Variants in ABCD4 observed in about 807,000 individuals in gnomAD.
ABCD4 encodes lysosomal cobalamin transporter ABCD4.
In ABCD4, 53 loss-of-function variants were observed where a neutral mutation model predicts 86.3. That is an observed-to-expected ratio of 0.61 (90% CI 0.49 to 0.77). The LOEUF (loss-of-function observed/expected upper bound fraction) is 0.77, where lower values mean the gene tolerates loss of function less well. Ranked by LOEUF, ABCD4 falls within the 30% of genes least tolerant of loss-of-function variation. ABCD4 has a pLI of 0.00. For synonymous variants in ABCD4, 328 were observed against 313.6 expected (o/e 1.05, Z -0.49); for missense variants, 757 against 764.5 (o/e 0.99, Z 0.12).
intron 1 of ABCD4, among the ~76,000 whole-genome samples, 157 bp downstream of exon 1, chr14:74,302,718 G>A (rs928318032): frequency 1.3e-5 from 2 of 152,234 alleles, no homozygotes; most frequent in Admixed American, 6.5e-5. Context: ...AGCGGCGGGA[G>A]GGCGGACGCC....
intron 8 of ABCD4, 71 bp from the exon 9 acceptor site, chr14:74,292,940 A>G: frequency 1.2e-6 from 2 of 1,603,928 alleles, no homozygotes; most frequent in South Asian, 1.1e-5. Context: ...ACCCTAAGAC[A>G]GGGAGCAGGA....
Position 74,289,669 on chromosome 14 carries a change from G to A in ABCD4, c.1420-150C>T, listed in dbSNP as rs1045041838. 2.3e-5 allele frequency: 34 copies of A among 1,461,060 alleles called. No individual in the cohort carries two copies. The Admixed American group carries it at 3.9e-4, about 17-fold the overall frequency. 90.5% of individuals were successfully genotyped at this position (1,461,060 alleles called of 1,614,324 possible). A position where few individuals can be genotyped will look rare whatever the true frequency, so the allele number is the denominator to read the frequency against. ...GGGTCAGATGGGAGAGGCTCTGGCC[G>A]GCAGACAGCAGGGCAAGGTCCCTAC... On this transcript the variant is annotated intron_variant, in intron 13 of 18. Transcript: ENST00000356924.
At chr14:74,302,247 C>CA (rs1291957325) in intron 1 of ABCD4, among the ~76,000 whole-genome samples, 6 of 152,156 alleles carry the variant, frequency 3.9e-5, no homozygotes, top group Admixed American at 6.5e-5. Flanking sequence ...AGTCTATGCA[C>CA]ACAGCACCCC....
At position 74,301,597 on chromosome 14, in the gene ABCD4, G is replaced by A. The variant is rs147150010; in HGVS notation, c.38+1278C>T. Among the ~76,000 whole-genome samples, 938 of 152,288 alleles carry A rather than the reference G, an allele frequency of 6.2e-3. 10 individuals are homozygous for A. Among genetic ancestry groups the A allele is most frequent in the African/African-American group, 0.019 (790 of 41,558 alleles). ...TAATAAACACATGAAAATGTAGGCC[G>A]GGAGCAGTGGCTCACGTCTGTAATT... On this transcript the variant is annotated intron_variant, in intron 1 of 18. Transcript: ENST00000356924.
At position 74,295,865 on chromosome 14, in the gene ABCD4, C is replaced by T; in HGVS notation, c.657G>A (p.Glu219=). 1 of 1,613,594 alleles carries T rather than the reference C, an allele frequency of 6.2e-7. No individual in the cohort carries two copies. Among genetic ancestry groups the T allele is most frequent in the South Asian group, 1.1e-5 (1 of 91,002 alleles). ...TGAGGGAGACACACCTAAAATCTCC[C>T]TCCAGCTTCTCCTGATGCACCAGCT... is the stretch of plus-strand genomic sequence containing the variant. ...VMKLVHQEKL[E]GDFRFKHMQI... Residue 219 remains glutamate (E), a synonymous_variant, in exon 6 of 19, where the codon GAG becomes GAA. Transcript: ENST00000356924.
At position 74,299,874 on chromosome 14, in the gene ABCD4, CAA is replaced by C. The variant is rs2083888643; in HGVS notation, c.158-201_158-200del. The C allele has an allele frequency of 8.5e-6, 5 of 590,738 alleles. No homozygotes were observed. In the East Asian group the frequency reaches 1.5e-4, roughly 18 times the overall value. 36.6% of individuals were successfully genotyped at this position (590,738 alleles called of 1,614,324 possible). On this transcript the variant is annotated intron_variant, in intron 2 of 18. Coordinates refer to ENST00000356924, the MANE Select transcript of ABCD4 (RefSeq NM_005050.4). ...GTCATGAGTTCGAGATCAGCCTGGC[CAA>C]GATGGTGAAACCCTGTCTTTACTGA...
chr14:74,291,269 A>C (rs2081415426), intron 11 of ABCD4, among the ~76,000 whole-genome samples: 1 of 152,200 alleles, frequency 6.6e-6, no homozygotes, highest in Admixed American at 6.5e-5. Flanking sequence ...TGAGCACATT[A>C]ATACAGGGGT....
chr14:74,295,949 G>C lies in ABCD4; in HGVS notation c.573C>G (p.Phe191Leu), dbSNP rs781410457. The change falls in exon 6 of 19, where the codon TTC becomes TTG. Residue 191 changes from phenylalanine to leucine, a missense_variant. Phe to Leu is a conservative substitution (Grantham distance 22, BLOSUM62 0). Coordinates refer to ENST00000356924, the MANE Select transcript of ABCD4 (RefSeq NM_005050.4). ...STGWLGPVSI[F>L]GYFILGTVVN... ...CCACGGTCCCCAGGATGAAATACCC[G>C]AAGATGCTCACAGGCCCGAGCCAGC... 6.2e-7 allele frequency: 1 copy of C among 1,611,958 alleles called. No individual in the cohort carries two copies. Among genetic ancestry groups the C allele is most frequent in the Non-Finnish European group, 8.5e-7 (1 of 1,179,520 alleles).
Position 74,289,782 on chromosome 14 carries a change from G to A in ABCD4, c.1419+245C>T, listed in dbSNP as rs557742853. 167 of 1,436,412 alleles carry A rather than the reference G, an allele frequency of 1.2e-4. 1 individual carries two copies. The highest frequency in any genetic ancestry group is 8.8e-4 in the Admixed American group (31 of 35,036). 89.0% of individuals were successfully genotyped at this position (1,436,412 alleles called of 1,614,324 possible). ...ATCCGACCTTGGGTGTTTGACATAC[G>A]CGTGTGGTATTTGGCGTGAGTCCTT... On this transcript the variant is annotated intron_variant, in intron 13 of 18. Transcript: ENST00000356924.
At position 74,290,330 on chromosome 14, in the gene ABCD4, A is replaced by G; in HGVS notation, c.1288T>C (p.Leu430=). The G allele has an allele frequency of 6.2e-7, 1 of 1,614,144 alleles. No homozygotes were observed. The highest frequency in any genetic ancestry group is 8.5e-7 in the Non-Finnish European group (1 of 1,180,022). The change falls in exon 12 of 19, where the codon TTG becomes CTG. Residue 430 remains leucine, a synonymous_variant. Coordinates refer to ENST00000356924, the MANE Select transcript of ABCD4 (RefSeq NM_005050.4). The part of the protein sequence containing the change: ...TGNTGTGKTS[L]LRVLGGLWTS... ...CAGAGGCCACCCAGAACCCGGAGCA[A>G]GGAGGTCTTGCCAGTGCCCGTGTTG...
Position 74,286,813 on chromosome 14 carries a change from A to T in ABCD4, c.1640T>A (p.Leu547His). 1.2e-6 allele frequency: 2 copies of T among 1,613,888 alleles called. No homozygotes were observed. The highest frequency in any genetic ancestry group is 1.7e-6 in the Non-Finnish European group (2 of 1,179,954). The part of the protein sequence containing the change: ...LFYLQPKYAV[L>H]DEATSALTEE... ...TGTCAGGGCACTGGTGGCTTCATCA[A>T]GCACTGAGGGGGCAGAGCACAGAGG... Residue 547 changes from leucine (L) to histidine (H), a missense_variant, in exon 18 of 19, where the codon CTT becomes CAT. Coordinates refer to ENST00000356924, the MANE Select transcript of ABCD4 (RefSeq NM_005050.4).
intron 15 of ABCD4, chr14:74,288,474 G>C (rs1208846945): frequency 3.1e-6 from 2 of 651,174 alleles, no homozygotes; most frequent in Non-Finnish European, 5.2e-6. Flanking sequence ...GGAGCATGAT[G>C]ACAGTAAAAA....
At chr14:74,289,111 CAAAAAAAAAAAAAA>C (rs60498100) in intron 14 of ABCD4, 96 of 764,132 alleles carry the variant, frequency 1.3e-4, no homozygotes, top group Non-Finnish European at 1.4e-4. Context: ...AACTCCATCT[CAAAAAAAAAAAAAA>C]AAAAAAAAAA....
intron 3 of ABCD4, 93 bp from the exon 4 acceptor site, chr14:74,298,162 T>C (rs944315340): frequency 2.0e-6 from 3 of 1,528,432 alleles, no homozygotes; most frequent in Non-Finnish European, 2.6e-6. Flanking sequence ...CGCTGACCCA[T>C]CCCAGCCCAC....
In ABCD4 at chr14:74,288,174, G is replaced by T. The variant is rs151222744; in HGVS notation, c.1559+33C>A. 1.2e-4 allele frequency: 187 copies of T among 1,608,088 alleles called. No homozygotes were observed. The African/African-American group carries it at 2.2e-3, about 19-fold the overall frequency. On this transcript the variant is annotated intron_variant, in intron 16 of 18. Coordinates refer to ENST00000356924, the MANE Select transcript of ABCD4 (RefSeq NM_005050.4). ...TGAAACCCACTGTCTTTATGGTGGG[G>T]CTATCTCTGGAGCACCCAAGCTCTT...
intron 11 of ABCD4, 54 bp downstream of exon 11, chr14:74,292,233 A>C: frequency 6.4e-7 from 1 of 1,574,434 alleles, no homozygotes; most frequent in Admixed American, 1.7e-5. Flanking sequence ...AACCCAAGCC[A>C]GGTGATGCCA....
chr14:74,290,219 C>T (rs2081094245), intron 12 of ABCD4, 72 bp downstream of exon 12: 1 of 1,611,200 alleles, frequency 6.2e-7, no homozygotes. Flanking sequence ...TGGATTCTAC[C>T]ACACCGTCCC....
rs2084415792 is a variant in ABCD4 at position 74,301,255 on chromosome 14, GTTCA to G, written c.39-991_39-988del. Among the ~76,000 whole-genome samples, 4 of 151,982 alleles carry G rather than the reference GTTCA, an allele frequency of 2.6e-5. No individual in the cohort carries two copies. In the South Asian group the frequency reaches 8.4e-4, roughly 32 times the overall value. ...GCTCAGGGCAACCTCTGCCTCCCGG[GTTCA>G]AGCGACTGTCCCACCTCAGCCTTTT... On this transcript the variant is annotated intron_variant, in intron 1 of 18. Coordinates refer to ENST00000356924, the MANE Select transcript of ABCD4 (RefSeq NM_005050.4).
intron 7 of ABCD4, chr14:74,294,910 C>G (rs755296124): frequency 1.7e-4 from 93 of 561,876 alleles, no homozygotes; most frequent in Non-Finnish European, 2.5e-4. Flanking sequence ...TCAGGCCCCA[C>G]GCTAGGCCAC....
Sources: gnomAD v4.1 joint callset for allele counts (sites outside exome capture counted in the v4.1 genomes callset) on GRCh38, gnomAD v4.1.1 for gene constraint, MANE v1.5 for transcripts, NCBI Gene and HGNC (gene_info 2026-07-23, HGNC 2026-07-21) for gene names.